Variants in DGKQ observed in about 807,000 individuals in gnomAD.
DGKQ encodes DAG kinase theta.
A neutral mutation model predicts 104.2 loss-of-function variants in DGKQ; 97 were observed. That is an observed-to-expected ratio of 0.93 (90% CI 0.79 to 1.10). DGKQ has a LOEUF of 1.10. DGKQ is among the 50% of genes least tolerant of loss of function. DGKQ has a pLI of 0.00. For missense variants in DGKQ, 1,465 were observed against 1,352.1 expected, an observed-to-expected ratio of 1.08 and a Z score of -1.31; for synonymous variants, 736 against 595.2, an observed-to-expected ratio of 1.24 and a Z score of -3.44.
In DGKQ at chr4:966,493, C is replaced by T; in HGVS notation, c.1401G>A (p.Leu467=). The part of the protein sequence containing the change: ...QRTMLMDEQP[L]LDRLQDIRQM... ...GCCGGATGTCCTGTAGCCGGTCCAG[C>T]AGGGGCTGTTCGTCCATCAGCATCG... is the stretch of plus-strand genomic sequence containing the variant. The change falls in exon 12 of 23, where the codon CTG becomes CTA. Residue 467 remains leucine (L), a synonymous_variant. Coordinates refer to ENST00000273814, the MANE Select transcript of DGKQ (RefSeq NM_001347.4). 1 of 1,612,626 alleles carries T rather than the reference C, an allele frequency of 6.2e-7. No individual in the cohort carries two copies. The highest frequency in any genetic ancestry group is 8.5e-7 in the Non-Finnish European group (1 of 1,179,766).
At position 967,978 on chromosome 4, in the gene DGKQ, C is replaced by T. The variant is rs978448682; in HGVS notation, c.713G>A (p.Arg238His). ...AALAPECGFG[R>H]LRSLVLPPAC... is the part of the protein sequence containing the mutation. ...GGGAGGCAGGACCAGGGAGCGCAGA[C>T]GCCCGAAGCCACACTCGGGAGCCAG... is the stretch of plus-strand genomic sequence containing the variant. The change falls in exon 6 of 23, where the codon CGT becomes CAT. Residue 238 changes from arginine to histidine, a missense_variant. Physicochemically the swap from Arg to His is conservative, Grantham distance 29. Coordinates refer to ENST00000273814, the MANE Select transcript of DGKQ (RefSeq NM_001347.4). 3.4e-6 allele frequency: 5 copies of T among 1,477,726 alleles called. No homozygotes were observed. Among genetic ancestry groups the T allele is most frequent in the Non-Finnish European group, 4.5e-6 (5 of 1,123,102 alleles). The allele number at this position is 1,477,726 out of a possible 1,614,324, so 91.5% of individuals were successfully genotyped here. A position where few individuals can be genotyped will look rare whatever the true frequency, so the allele number is the denominator to read the frequency against.
Position 967,622 on chromosome 4 carries a change from C to T in DGKQ, c.914G>A (p.Gly305Asp), listed in dbSNP as rs758707554. 6.2e-7 allele frequency: 1 copy of T among 1,612,746 alleles called. No individual in the cohort carries two copies. Among genetic ancestry groups the T allele is most frequent in the Non-Finnish European group, 8.5e-7 (1 of 1,179,888 alleles). Residue 305 changes from glycine (G) to aspartate (D), a missense_variant, in exon 8 of 23, where the codon GGC becomes GAC. Physicochemically the swap from Gly to Asp is moderately conservative, Grantham distance 94. Transcript: ENST00000273814. ...CTGGCTTCTTCTCACCGCGTCGTCG[C>T]CATCAAAGATCTTCAGCGTTTGCTT... Reference protein sequence around the residue: ...SGKQTLKIFDGDDAVRRSQFR... With the variant: ...SGKQTLKIFDDDDAVRRSQFR...
rs146833790 is a variant in DGKQ, at chr4:967,914, C to T, written c.777G>A (p.Thr259=). Residue 259 remains threonine (T), a synonymous_variant, in exon 6 of 23, where the codon ACG becomes ACA. Coordinates refer to ENST00000273814, the MANE Select transcript of DGKQ (RefSeq NM_001347.4). ...CGGCCTCCACGATGCGGAAGCTCTG[C>T]GTCTTGCTGAAGCCGCCGGGCAGAA... is the stretch of plus-strand genomic sequence containing the variant. ...VRLLPGGFSK[T]QSFRIVEAAE... 702 of 1,460,906 alleles carry T rather than the reference C, an allele frequency of 4.8e-4. 3 individuals carry two copies. The African/African-American group carries it at 6.5e-3, about 13-fold the overall frequency. 90.5% of individuals were successfully genotyped at this position (1,460,906 alleles called of 1,614,324 possible).
chr4:968,975 G>C (rs770625337), intron 2 of DGKQ, 65 bp from the exon 3 acceptor site: 7 of 1,049,350 alleles, frequency 6.7e-6, no homozygotes, highest in Non-Finnish European at 8.3e-6. Flanking sequence ...ACCCCTCCTC[G>C]CTCTTCACCT....
intron 2 of DGKQ, among the ~76,000 whole-genome samples, chr4:970,524 C>T (rs2153011197): frequency 6.6e-6 from 1 of 152,316 alleles, no homozygotes; most frequent in Admixed American, 6.5e-5. Flanking sequence ...GCTTTTTATT[C>T]AAGCTTCCTT....
At chr4:968,159 G>A (rs1471462014) in intron 5 of DGKQ, 123 bp downstream of exon 5, 7 of 368,960 alleles carry the variant, frequency 1.9e-5, no homozygotes, top group South Asian at 1.6e-4. Flanking sequence ...GCCCGCCCCC[G>A]AGCACCCACC....
chr4:967,285 T>G lies in DGKQ; in HGVS notation c.1064A>C (p.Gln355Pro). The change falls in exon 9 of 23, where the codon CAG becomes CCG. Residue 355 changes from glutamine (Q) to proline (P), a missense_variant. Transcript: ENST00000273814. ...GCCCCCAGCCCAGGCGTCACAGGCC[T>G]GAGAGGAAGGGGGCAGCCGGCACAG... ...LELCRLPPSS[Q>P]ACDAWAGGKA... 12 of 1,545,724 alleles carry G rather than the reference T, an allele frequency of 7.8e-6. No homozygotes were observed. Among genetic ancestry groups the G allele is most frequent in the Non-Finnish European group, 9.6e-6 (11 of 1,150,550 alleles).
rs1195190673 is a variant in DGKQ at position 962,888 on chromosome 4, C to T, written c.1919G>A (p.Arg640Gln). The change falls in exon 17 of 23, where the codon CGG becomes CAG. Residue 640 changes from arginine (R) to glutamine (Q), a missense_variant. Physicochemically the swap from Arg to Gln is conservative, Grantham distance 43 (BLOSUM62 1). Coordinates refer to ENST00000273814, the MANE Select transcript of DGKQ (RefSeq NM_001347.4). ...LHLFSQVPCF[R>Q]VLVCGGDGTV... ...GCCATCGCCACCACACACCAGCACCCGGAAGCAGGGCACCTGGGAGAACAG... is the reference window on the plus strand; with the variant it reads ...GCCATCGCCACCACACACCAGCACCTGGAAGCAGGGCACCTGGGAGAACAG... 17 of 1,609,748 alleles carry T rather than the reference C, an allele frequency of 1.1e-5. No individual in the cohort carries two copies. Among genetic ancestry groups the T allele is most frequent in the Non-Finnish European group, 1.4e-5 (17 of 1,178,742 alleles).
intron 8 of DGKQ, 41 bp from the exon 9 acceptor site, chr4:967,402 CA>C: frequency 1.5e-6 from 1 of 686,760 alleles, no homozygotes; most frequent in Non-Finnish European, 2.0e-6. Flanking sequence ...TGTGGGGGGT[CA>C]GGCGGGGTTC....
In DGKQ at chr4:973,401, C is replaced by T. The variant is rs1367206985; in HGVS notation, c.82G>A (p.Val28Met). 7 of 1,033,966 alleles carry T rather than the reference C, an allele frequency of 6.8e-6. No individual in the cohort carries two copies. Among genetic ancestry groups the T allele is most frequent in the Non-Finnish European group, 8.1e-6 (7 of 863,688 alleles). 64.0% of individuals were successfully genotyped at this position (1,033,966 alleles called of 1,614,324 possible). A position where few individuals can be genotyped will look rare whatever the true frequency, so the allele number is the denominator to read the frequency against. Residue 28 changes from valine (V) to methionine (M), a missense_variant, in exon 1 of 23, where the codon GTG becomes ATG. Val to Met is a conservative substitution (Grantham distance 21). Transcript: ENST00000273814. ...CGCGCGCGGCCTCCTGAGCCCAGCA[C>T]GGGGCTGCAGGCCGGGCTGCCGGGG... is the stretch of plus-strand genomic sequence containing the variant. ...PRPGSPACSP[V>M]LGSGGRARPG...
rs1712213820 is a variant in DGKQ at position 965,254 on chromosome 4, G to A, written c.1656C>T (p.Ala552=). 12 of 1,612,694 alleles carry A rather than the reference G, an allele frequency of 7.4e-6. No homozygotes were observed. Among genetic ancestry groups the A allele is most frequent in the Admixed American group, 5.0e-5 (3 of 60,020 alleles). The change falls in exon 15 of 23, where the codon GCC becomes GCT. Residue 552 remains alanine, a synonymous_variant. Transcript: ENST00000273814. The part of the protein sequence containing the change: ...VVLDVACFAE[A]ERLYMLLKDM... ...CCTTCAGCAGCATGTACAGCCGCTC[G>A]GCCTCCGCAAAGCAGGCAACGTCCA... is the stretch of plus-strand genomic sequence containing the variant.
intron 2 of DGKQ, among the ~76,000 whole-genome samples, chr4:969,612 CT>C (rs35245784): frequency 8.0e-4 from 114 of 143,248 alleles, no homozygotes; most frequent in Middle Eastern, 3.6e-3. Context: ...AATATATCTC[CT>C]TTTTTTTTTT....
chr4:967,964 C>T lies in DGKQ; in HGVS notation c.727G>A (p.Val243Ile). ...AGGCGCACGCACGCGGGAGGCAGGA[C>T]CAGGGAGCGCAGACGCCCGAAGCCA... ...ECGFGRLRSL[V>I]LPPACVRLLP... The change falls in exon 6 of 23, where the codon GTC becomes ATC. Residue 243 changes from valine (V) to isoleucine (I), a missense_variant. Physicochemically the swap from Val to Ile is conservative, Grantham distance 29 (BLOSUM62 3). Transcript: ENST00000273814. 1 of 1,486,490 alleles carries T rather than the reference C, an allele frequency of 6.7e-7. No individual in the cohort carries two copies. Among genetic ancestry groups the T allele is most frequent in the Non-Finnish European group, 8.9e-7 (1 of 1,126,514 alleles). The allele number at this position is 1,486,490 out of a possible 1,614,324, so 92.1% of individuals were successfully genotyped here. A position where few individuals can be genotyped will look rare whatever the true frequency, so the allele number is the denominator to read the frequency against.
intron 19 of DGKQ, 36 bp from the exon 20 acceptor site, chr4:961,870 A>G (rs1711914387): frequency 1.3e-5 from 20 of 1,593,504 alleles, no homozygotes; most frequent in Non-Finnish European, 1.7e-5. Flanking sequence ...CACCAGGGGA[A>G]GCCCTACCCC....
chr4:961,363 C>A, intron 21 of DGKQ, 104 bp downstream of exon 21: 2 of 1,302,684 alleles, frequency 1.5e-6, no homozygotes, highest in East Asian at 5.3e-5. Flanking sequence ...GGACCGGGGA[C>A]GCCCACCCTG....
intron 2 of DGKQ, among the ~76,000 whole-genome samples, chr4:969,805 G>T (rs1238512412): frequency 6.6e-6 from 1 of 152,078 alleles, no homozygotes; most frequent in Non-Finnish European, 1.5e-5. Flanking sequence ...TAAAGAAGGG[G>T]TTTCACTGTG....
chr4:961,012 C>A, intron 22 of DGKQ, 37 bp downstream of exon 22: 1 of 1,606,632 alleles, frequency 6.2e-7, no homozygotes. Context: ...CCCAGCCCGG[C>A]CCACCTCCCC....
chr4:973,461 C>G lies in DGKQ; in HGVS notation c.22G>C (p.Gly8Arg). 1.0e-6 allele frequency: 1 copy of G among 986,480 alleles called. No individual in the cohort carries two copies. Among genetic ancestry groups the G allele is most frequent in the Non-Finnish European group, 1.2e-6 (1 of 831,864 alleles). The allele number at this position is 986,480 out of a possible 1,614,324, so 61.1% of individuals were successfully genotyped here. Residue 8 changes from glycine (G) to arginine (R), a missense_variant, in exon 1 of 23, where the codon GGG becomes CGG. By Grantham distance (125) the Gly-to-Arg change is moderately radical (BLOSUM62 -2). Transcript: ENST00000273814. The stretch of plus-strand genomic sequence containing the variant: ...CCGCCGCCCAGCCAGGCGCGGGCCC[C>G]GGGCTCGGCCGCCGCCGCCATTCCC... The part of the protein sequence containing the change: MAAAAEP[G>R]ARAWLGGGSP...
chr4:971,006 G>T lies in DGKQ; in HGVS notation c.338C>A (p.Pro113His), dbSNP rs1485109576. The change falls in exon 2 of 23, where the codon CCC (proline) becomes CAC (histidine). Residue 113 changes from proline to histidine, a missense_variant. Transcript: ENST00000273814. This position sits in a 1 kb window ranked among gnomAD's most constrained non-coding sequence, Gnocchi z 4.0. ...CCCCACACTCACCCGGACCAGGCTG[G>T]GTGCCACACTCGTGCACGGGATCCT... ...HVRIPCTSVAPSLVRVPVAHC... is the reference protein window; with the variant it reads ...HVRIPCTSVAHSLVRVPVAHC... 2.6e-6 allele frequency: 4 copies of T among 1,552,316 alleles called. No homozygotes were observed. Among genetic ancestry groups the T allele is most frequent in the African/African-American group, 2.7e-5 (2 of 73,472 alleles).
Sources: gnomAD v4.1 joint callset for allele counts (sites outside exome capture counted in the v4.1 genomes callset) on GRCh38, gnomAD v4.1.1 for gene constraint, Gnocchi (gnomAD v3.1) non-coding constraint, MANE v1.5 for transcripts, NCBI Gene and HGNC (gene_info 2026-07-23, HGNC 2026-07-21) for gene names.